Variants in KHDRBS2 observed in about 807,000 individuals in gnomAD.
KHDRBS2 encodes KH RNA binding domain containing, signal transduction associated 2.
KHDRBS2 carries 26 observed loss-of-function variants against 44.3 expected under a neutral mutation model. That is an observed-to-expected ratio of 0.59 (90% CI 0.43 to 0.81). The LOEUF is 0.81. Among genes scored for constraint, KHDRBS2 ranks in the 40% least tolerant of loss-of-function variants. KHDRBS2 has a pLI of 0.00. For missense variants in KHDRBS2, 476 were observed against 433.1 expected, an observed-to-expected ratio of 1.10 and a Z score of -0.88; for synonymous variants, 194 against 151.1, an observed-to-expected ratio of 1.28 and a Z score of -2.08.
intron 6 of KHDRBS2, among the ~76,000 whole-genome samples, chr6:61,827,410 G>A (rs184870675): frequency 1.3e-5 from 2 of 152,260 alleles, no homozygotes; most frequent in East Asian, 3.9e-4. Flanking sequence ...GGACCTCCAG[G>A]TAAGCTGACA....
intron 4 of KHDRBS2, among the ~76,000 whole-genome samples, chr6:61,935,913 A>G (rs571522189): frequency 2.5e-4 from 38 of 152,238 alleles, no homozygotes; most frequent in African/African-American, 8.2e-4. Flanking sequence ...TTATACAATA[A>G]TAATGTTAAA....
intron 2 of KHDRBS2, among the ~76,000 whole-genome samples, chr6:62,060,723 C>G (rs1415139532): frequency 2.0e-5 from 3 of 151,106 alleles, no homozygotes; most frequent in Non-Finnish European, 3.0e-5. Context: ...CTATAAGACC[C>G]AAAAATCCCA....
chr6:61,797,725 TTGTGTGTGTGTGTGTGTG>T (rs56038952), intron 6 of KHDRBS2, among the ~76,000 whole-genome samples: 1 of 114,752 alleles, frequency 8.7e-6, no homozygotes, highest in African/African-American at 2.7e-5. Flanking sequence ...GTATGGTGTT[TTGTGTGTGTGTGTGTGTG>T]TGTGTGTGTG....
At chr6:61,557,675 T>C in the KHDRBS2 span, among the ~76,000 whole-genome samples, 10 of 152,310 alleles carry the variant, frequency 6.6e-5, no homozygotes, top group Admixed American at 1.3e-4. Context: ...TATTCTCTTC[T>C]CTATTTTTCT....
chr6:62,279,385 TG>T (rs1464864604), intron 1 of KHDRBS2, among the ~76,000 whole-genome samples: 6 of 152,220 alleles, frequency 3.9e-5, no homozygotes, highest in Non-Finnish European at 8.8e-5. Context: ...AAATTGTTTC[TG>T]GAGATATCTT....
rs79129085 is a variant in KHDRBS2 at position 61,787,895 on chromosome 6, TC to T, written c.811-55132del. On this transcript the variant is annotated intron_variant, in intron 6 of 8. Transcript: ENST00000281156. Reference sequence around the variant, plus strand: ...CAGGAAACTTACAAAATAAGTCTGTTCCCTAAAACTGTACACCTCTAAAGTT... The same window carrying T: ...CAGGAAACTTACAAAATAAGTCTGTTCCTAAAACTGTACACCTCTAAAGTT... Among the ~76,000 whole-genome samples the T allele has an allele frequency of 5.7e-3, 870 of 151,696 alleles. 54 individuals are homozygous for T. In the East Asian group the frequency reaches 0.13, roughly 23 times the overall value.
intron 6 of KHDRBS2, among the ~76,000 whole-genome samples, chr6:61,798,292 A>C (rs1469514914): frequency 2.6e-5 from 4 of 152,112 alleles, no homozygotes; most frequent in Non-Finnish European, 5.9e-5. Context: ...TAAAATGCAG[A>C]ATCAAAGAAC....
At chr6:62,157,928 T>C (rs1465589104) in intron 2 of KHDRBS2, among the ~76,000 whole-genome samples, 5 of 152,192 alleles carry the variant, frequency 3.3e-5, no homozygotes, top group Non-Finnish European at 7.3e-5. Flanking sequence ...GTTTCAATAA[T>C]TGAATTAAAT....
In KHDRBS2 at chr6:61,978,097, G is replaced by A. The variant is rs1421181881; in HGVS notation, c.452C>T (p.Ala151Val). The change falls in exon 4 of 9, where the codon GCA (alanine) becomes GTA (valine). Residue 151 changes from alanine (A) to valine (V), a missense_variant. Transcript: ENST00000281156. ...CAGGAATTTTTTAATCTCTTCCAAT[G>A]CATGACTCATACGTGAATAAGCTTC... The part of the protein sequence containing the change: ...PGEAYSRMSH[A>V]LEEIKKFLVP... 2 of 1,608,136 alleles carry A rather than the reference G, an allele frequency of 1.2e-6. No homozygotes were observed. The highest frequency in any genetic ancestry group is 2.7e-5 in the African/African-American group (2 of 74,528).
At chr6:61,711,091 T>C (rs1196844511) in intron 7 of KHDRBS2, among the ~76,000 whole-genome samples, 3 of 151,398 alleles carry the variant, frequency 2.0e-5, no homozygotes, top group Non-Finnish European at 4.4e-5. Flanking sequence ...AATAGTGATA[T>C]TCAATAAATA....
At chr6:61,701,767 T>C (rs1237166728) in intron 7 of KHDRBS2, among the ~76,000 whole-genome samples, 1 of 152,126 alleles carries the variant, frequency 6.6e-6, no homozygotes. Flanking sequence ...TTATAACTGT[T>C]ATTGCCCACT....
At chr6:61,552,869 GC>G in the KHDRBS2 span, among the ~76,000 whole-genome samples, 1 of 152,056 alleles carries the variant, frequency 6.6e-6, no homozygotes, top group East Asian at 1.9e-4. Context: ...TGGTGGATTA[GC>G]TTTTTGATGT....
In KHDRBS2 at chr6:62,014,044, T is replaced by C. The variant is rs149180141; in HGVS notation, c.336+33834A>G. On this transcript the variant is annotated intron_variant, in intron 3 of 8. Coordinates refer to ENST00000281156, the MANE Select transcript of KHDRBS2 (RefSeq NM_152688.4). ...TTGACAGGTCTGAAAACTAAGTGGA[T>C]TGTTGCAGAGAGTATGAATGACACT... Among the ~76,000 whole-genome samples the C allele has an allele frequency of 2.0e-3, 301 of 152,264 alleles. 1 individual carries two copies. The highest frequency in any genetic ancestry group is 6.8e-3 in the African/African-American group (281 of 41,556).
chr6:61,955,226 A>G (rs1199527272), intron 4 of KHDRBS2, among the ~76,000 whole-genome samples: 1 of 145,956 alleles, frequency 6.9e-6, no homozygotes, highest in Non-Finnish European at 1.5e-5. Context: ...ATGTGTATAT[A>G]TACACATACG....
the KHDRBS2 span, among the ~76,000 whole-genome samples, chr6:61,666,660 A>G: frequency 6.6e-6 from 1 of 151,424 alleles, no homozygotes; most frequent in African/African-American, 2.4e-5. Flanking sequence ...TAAGCCTAAG[A>G]CTTTGAAATA....
chr6:62,172,218 T>G (rs1169870098), intron 2 of KHDRBS2, among the ~76,000 whole-genome samples: 1 of 151,884 alleles, frequency 6.6e-6, no homozygotes, highest in African/African-American at 2.4e-5. Context: ...CTCAAAGTAA[T>G]GGGATGGAGA....
chr6:61,562,657 C>A, the KHDRBS2 span, among the ~76,000 whole-genome samples: 1 of 152,046 alleles, frequency 6.6e-6, no homozygotes, highest in African/African-American at 2.4e-5. Flanking sequence ...ATGCAAACAT[C>A]AAGGAAGATA....
intron 4 of KHDRBS2, among the ~76,000 whole-genome samples, chr6:61,924,264 A>G (rs1256041821): frequency 1.3e-5 from 2 of 152,086 alleles, no homozygotes; most frequent in East Asian, 3.9e-4. Context: ...AATTCAACCT[A>G]ATCTATGGGG....
intron 7 of KHDRBS2, among the ~76,000 whole-genome samples, chr6:61,703,849 C>T (rs566560280): frequency 6.6e-6 from 1 of 151,986 alleles, no homozygotes; most frequent in African/African-American, 2.4e-5. Flanking sequence ...GACTCCACAA[C>T]TTCCATCCAC....
Sources: allele counts gnomAD v4.1 joint callset (sites outside exome capture counted in the v4.1 genomes callset), GRCh38; gene constraint gnomAD v4.1.1; transcripts MANE v1.5; gene names NCBI Gene and HGNC (gene_info 2026-07-23, HGNC 2026-07-21).